Variants in SI observed in about 807,000 individuals in gnomAD.
The protein encoded by SI is sucrase-isomaltase, intestinal.
Under a neutral mutation model 253.3 loss-of-function variants are expected in SI, and 235 were observed. That is an observed-to-expected ratio of 0.93 (90% confidence interval 0.83 to 1.03). SI has a LOEUF of 1.03. Among genes scored for constraint, SI ranks in the 50% least tolerant of loss-of-function variants. The pLI is 0.00. For synonymous variants in SI, 819 were observed against 712.0 expected, an observed-to-expected ratio of 1.15 and a Z score of -2.39; for missense variants, 2,442 against 2,211.1, an observed-to-expected ratio of 1.10 and a Z score of -2.09.
intron 16 of SI, among the ~76,000 whole-genome samples, chr3:165,044,146 C>A (rs1199051764): frequency 6.6e-6 from 1 of 151,954 alleles, no homozygotes; most frequent in African/African-American, 2.4e-5. Context: ...TAAATTTGCT[C>A]ATTTAAGTCA....
At position 164,983,019 on chromosome 3, in the gene SI, G is replaced by C. The variant is rs749129647; in HGVS notation, c.5230C>G (p.Gln1744Glu). Residue 1744 changes from glutamine (Q) to glutamate (E), a missense_variant, in exon 46 of 48, where the codon CAA becomes GAA. Gln to Glu is a conservative substitution (Grantham distance 29). Coordinates refer to ENST00000264382, the MANE Select transcript of SI (RefSeq NM_001041.4). ...TTACATACCTGGTTTAAATTAAATT[G>C]TACAGATAAATATAGGTCTCTTTCA... is the stretch of plus-strand genomic sequence containing the variant. ...TYERDLYLSV[Q>E]FNLNQTTLTS... 1 of 1,546,670 alleles carries C rather than the reference G, an allele frequency of 6.5e-7. No homozygotes were observed. Among genetic ancestry groups the C allele is most frequent in the Non-Finnish European group, 8.9e-7 (1 of 1,127,798 alleles).
chr3:165,064,353 C>T (rs370394055), intron 7 of SI, among the ~76,000 whole-genome samples: 1 of 152,180 alleles, frequency 6.6e-6, no homozygotes. Flanking sequence ...TGGAAATTAG[C>T]TCTGACAGTC....
chr3:165,057,686 T>G (rs1044433186), intron 12 of SI, among the ~76,000 whole-genome samples: 1 of 151,214 alleles, frequency 6.6e-6, no homozygotes, highest in East Asian at 1.9e-4. Flanking sequence ...CATGACATAT[T>G]TAAAATGCTG....
intron 9 of SI, among the ~76,000 whole-genome samples, chr3:165,061,144 AATC>A (rs944431436): frequency 5.1e-4 from 77 of 151,956 alleles, no homozygotes; most frequent in African/African-American, 1.8e-3. Context: ...ATGTGTGAAG[AATC>A]AACATATATG....
At chr3:165,017,116 A>T (rs1465039669) in intron 31 of SI, among the ~76,000 whole-genome samples, 1 of 151,878 alleles carries the variant, frequency 6.6e-6, no homozygotes, top group Non-Finnish European at 1.5e-5. Context: ...TCTCTATTAT[A>T]TATTACAACT....
chr3:165,004,633 A>T (rs967653066), intron 37 of SI, among the ~76,000 whole-genome samples: 46 of 152,178 alleles, frequency 3.0e-4, no homozygotes, highest in African/African-American at 1.1e-3. Context: ...AAATCCTGTC[A>T]TTTGCAACGA....
At chr3:165,006,543 G>A (rs1046066254) in intron 37 of SI, among the ~76,000 whole-genome samples, 1 of 152,032 alleles carries the variant, frequency 6.6e-6, no homozygotes, top group South Asian at 2.1e-4. Context: ...AATTGGCCAG[G>A]CACTATGCTG....
intron 31 of SI, among the ~76,000 whole-genome samples, chr3:165,017,112 T>C (rs1719071270): frequency 6.6e-6 from 1 of 151,924 alleles, no homozygotes; most frequent in African/African-American, 2.4e-5. Context: ...TGAATCTCTA[T>C]TATATATTAC....
Position 165,067,487 on chromosome 3 carries a change from G to C in SI, c.488C>G (p.Thr163Ser). Residue 163 changes from threonine (T) to serine (S), a missense_variant, in exon 6 of 48, where the codon ACT becomes AGT. By Grantham distance (58) the Thr-to-Ser change is moderately conservative. Coordinates refer to ENST00000264382, the MANE Select transcript of SI (RefSeq NM_001041.4). ...TTCATATCTTCTATTATTTGGATCA[G>C]TAATCTGGAAAGATTTAAGCAAGGT... ...QTPNRFRFKI[T>S]DPNNRRYEVP... The C allele has an allele frequency of 6.2e-7, 1 of 1,607,616 alleles. No individual in the cohort carries two copies. Among genetic ancestry groups the C allele is most frequent in the Non-Finnish European group, 8.5e-7 (1 of 1,174,612 alleles).
intron 25 of SI, among the ~76,000 whole-genome samples, chr3:165,024,459 CA>C (rs1711795586): frequency 6.6e-6 from 1 of 151,008 alleles, no homozygotes; most frequent in African/African-American, 2.4e-5. Flanking sequence ...TCTACATTTC[CA>C]ATTTCCTTTT....
At chr3:165,054,220 T>C (rs1431311095) in intron 13 of SI, among the ~76,000 whole-genome samples, 3 of 152,142 alleles carry the variant, frequency 2.0e-5, no homozygotes, top group Non-Finnish European at 2.9e-5. Flanking sequence ...GGTGTGGACC[T>C]AAAAACCAAA....
intron 37 of SI, among the ~76,000 whole-genome samples, chr3:165,000,013 T>C (rs1292550859): frequency 6.6e-6 from 1 of 151,370 alleles, no homozygotes; most frequent in African/African-American, 2.4e-5. Context: ...CATATATTTT[T>C]TTGAAATTTA....
intron 14 of SI, among the ~76,000 whole-genome samples, 169 bp downstream of exon 14, chr3:165,049,622 T>A (rs1238641326): frequency 6.6e-6 from 1 of 152,086 alleles, no homozygotes; most frequent in Non-Finnish European, 1.5e-5. Context: ...TCTATTTAAA[T>A]ATAATCCTAG....
In SI at chr3:165,017,610, A is replaced by G; in HGVS notation, c.3697T>C (p.Tyr1233His). The G allele has an allele frequency of 6.2e-7, 1 of 1,612,738 alleles. No homozygotes were observed. Among genetic ancestry groups the G allele is most frequent in the Non-Finnish European group, 8.5e-7 (1 of 1,178,992 alleles). The change falls in exon 31 of 48, where the codon TAT becomes CAT. Residue 1233 changes from tyrosine to histidine, a missense_variant. Tyr to His is a moderately conservative substitution (Grantham distance 83). Coordinates refer to ENST00000264382, the MANE Select transcript of SI (RefSeq NM_001041.4). ...TCCCGAACCTCTGAAGTATTTGCAT[A>G]TCCATAACGACATAATTGGAATCCC... is the stretch of plus-strand genomic sequence containing the variant. Reference protein sequence around the residue: ...ALGFQLCRYGYANTSEVRELY... With the variant: ...ALGFQLCRYGHANTSEVRELY...
intron 44 of SI, among the ~76,000 whole-genome samples, chr3:164,991,037 G>A (rs754459126): frequency 2.0e-5 from 3 of 152,014 alleles, no homozygotes; most frequent in Non-Finnish European, 4.4e-5. Context: ...TCTTATTAAA[G>A]ACAGGGTTTT....
intron 37 of SI, among the ~76,000 whole-genome samples, chr3:165,000,526 A>G (rs941959364): frequency 2.6e-5 from 4 of 151,522 alleles, no homozygotes; most frequent in South Asian, 2.1e-4. Context: ...TGTATAATGT[A>G]TGAAAACATC....
chr3:164,999,648 AG>A (rs1233394433), intron 37 of SI, among the ~76,000 whole-genome samples: 6 of 151,644 alleles, frequency 4.0e-5, no homozygotes, highest in Non-Finnish European at 7.4e-5. Context: ...ATGTATATAA[AG>A]CTCCTTCCAT....
At chr3:164,986,157 A>G (rs780066010) in intron 45 of SI, among the ~76,000 whole-genome samples, 2 of 152,126 alleles carry the variant, frequency 1.3e-5, no homozygotes, top group Non-Finnish European at 2.9e-5. Flanking sequence ...GGGGGCTCAA[A>G]AACTGATTTC....
At chr3:165,026,879 A>C (rs1711950750) in intron 25 of SI, among the ~76,000 whole-genome samples, 1 of 151,386 alleles carries the variant, frequency 6.6e-6, no homozygotes, top group Non-Finnish European at 1.5e-5. Flanking sequence ...CTGAAAGAGC[A>C]CACATAGACA....
Sources: gnomAD v4.1 joint callset for allele counts (sites outside exome capture counted in the v4.1 genomes callset) on GRCh38, gnomAD v4.1.1 for gene constraint, MANE v1.5 for transcripts, NCBI Gene and HGNC (gene_info 2026-07-23, HGNC 2026-07-21) for gene names.